SLK: variants seen among roughly 807,000 people sequenced by gnomAD.
SLK encodes the protein STE20 like kinase.
Under a neutral mutation model 147.7 loss-of-function variants are expected in SLK, and 67 were observed. That is an observed-to-expected ratio of 0.45 (90% CI 0.37 to 0.56). The LOEUF is 0.56. Among genes scored for constraint, SLK ranks in the 20% least tolerant of loss-of-function variants. SLK has a pLI of 0.00. For synonymous variants in SLK, 441 were observed against 475.0 expected (o/e 0.93, Z 0.93); for missense variants, 1,136 against 1,438.8 (o/e 0.79, Z 3.41).
chr10:104,023,248 G>GT (rs1300942236), intron 18 of SLK, among the ~76,000 whole-genome samples: 27 of 152,244 alleles, frequency 1.8e-4, no homozygotes, highest in African/African-American at 5.1e-4. Context: ...ACATTTCTCA[G>GT]TTTTGCCCCT....
chr10:104,009,245 C>A lies in SLK; in HGVS notation c.2784+889C>A, dbSNP rs73328275. On this transcript the variant is annotated intron_variant, in intron 12 of 18. Coordinates refer to ENST00000369755, the MANE Select transcript of SLK (RefSeq NM_014720.4). ...AGACACCAGAGACAATGATTGTGAT[C>A]AATTTTATTAGGGTTGGAACAAACA... is the stretch of plus-strand genomic sequence containing the variant. Among the ~76,000 whole-genome samples, 340 of 152,188 alleles carry A rather than the reference C, an allele frequency of 2.2e-3. 1 individual carries two copies. The highest frequency in any genetic ancestry group is 7.5e-3 in the African/African-American group (313 of 41,550).
intron 4 of SLK, among the ~76,000 whole-genome samples, chr10:103,995,001 C>G (rs1844148074): frequency 6.6e-6 from 1 of 152,072 alleles, no homozygotes; most frequent in South Asian, 2.1e-4. Context: ...AATGCCTACA[C>G]CTCTGTCTTT....
chr10:103,998,655 T>G (rs1212488111), intron 4 of SLK, among the ~76,000 whole-genome samples: 1 of 152,178 alleles, frequency 6.6e-6, no homozygotes, highest in Non-Finnish European at 1.5e-5. Flanking sequence ...TTTGGAGGAT[T>G]TGTCATCTGA....
In SLK at chr10:104,008,185, G is replaced by A. The variant is rs543281787; in HGVS notation, c.2613G>A (p.Lys871=). 98 of 1,612,510 alleles carry A rather than the reference G, an allele frequency of 6.1e-5. No individual in the cohort carries two copies. In the South Asian group the frequency reaches 9.7e-4, roughly 16 times the overall value. ...RRFEQEMMSK[K]RQYDQEIENL... ...GCTATATTGTTTTACAGAGTAAAAA[G>A]CGACAATATGACCAGGAAATTGAGA... The change falls in exon 12 of 19, where the codon AAG becomes AAA. Residue 871 remains lysine, a synonymous_variant. Transcript: ENST00000369755.
intron 13 of SLK, 90 bp from the exon 14 acceptor site, chr10:104,018,070 T>C: frequency 9.2e-7 from 1 of 1,089,004 alleles, no homozygotes; most frequent in Non-Finnish European, 1.3e-6. Context: ...TTTGGAAATC[T>C]TGTTAACCAC....
chr10:104,011,377 T>C (rs1003076788), intron 13 of SLK, among the ~76,000 whole-genome samples: 1 of 152,230 alleles, frequency 6.6e-6, no homozygotes, highest in Non-Finnish European at 1.5e-5. Context: ...TTCAAACATG[T>C]ATTGCTTTTA....
intron 1 of SLK, among the ~76,000 whole-genome samples, chr10:103,968,685 G>C (rs1007412682): frequency 6.6e-6 from 1 of 152,170 alleles, no homozygotes; most frequent in Non-Finnish European, 1.5e-5. Context: ...CAGCGTTTAG[G>C]GGAAGGACCC....
intron 1 of SLK, among the ~76,000 whole-genome samples, chr10:103,977,448 G>A (rs977041726): frequency 1.3e-5 from 2 of 152,116 alleles, no homozygotes; most frequent in African/African-American, 2.4e-5. Context: ...CCATGTCTAC[G>A]GAAAGTAGTA....
chr10:104,001,811 T>C (rs1844251870), intron 8 of SLK, among the ~76,000 whole-genome samples: 1 of 152,128 alleles, frequency 6.6e-6, no homozygotes, highest in South Asian at 2.1e-4. Flanking sequence ...TGCCTCCCGG[T>C]GTCAGGTGGT....
At chr10:104,007,152 ATAT>A (rs1270666010) in intron 11 of SLK, among the ~76,000 whole-genome samples, 7 of 152,096 alleles carry the variant, frequency 4.6e-5, no homozygotes, top group Non-Finnish European at 7.4e-5. Flanking sequence ...ATTATTAATA[ATAT>A]TATTTTATTA....
chr10:104,006,064 A>G (rs1844321492), intron 11 of SLK, 29 bp downstream of exon 11: 1 of 1,595,988 alleles, frequency 6.3e-7, no homozygotes, highest in Non-Finnish European at 8.5e-7. Context: ...ACCATTTTAT[A>G]TCATTTTGTG....
chr10:104,021,920 C>T (rs887121263), intron 18 of SLK, among the ~76,000 whole-genome samples, 187 bp downstream of exon 18: 1 of 152,026 alleles, frequency 6.6e-6, no homozygotes, highest in Non-Finnish European at 1.5e-5. Context: ...AGGGTCATTG[C>T]TCTGAAGGAG....
At position 104,018,842 on chromosome 10, in the gene SLK, G is replaced by C; in HGVS notation, c.3066G>C (p.Leu1022=). ...GACACTTACAAGAAAAACACCAGCT[G>C]CTCAAACAGCAGCTTAAAGATCAGT... ...EERHLQEKHQ[L]LKQQLKDQYF... is the part of the protein sequence containing the mutation. Residue 1022 remains leucine, a synonymous_variant, in exon 15 of 19, where the codon CTG becomes CTC. Coordinates refer to ENST00000369755, the MANE Select transcript of SLK (RefSeq NM_014720.4). 6.2e-7 allele frequency: 1 copy of C among 1,613,120 alleles called. No individual in the cohort carries two copies. The highest frequency in any genetic ancestry group is 2.2e-5 in the East Asian group (1 of 44,840).
Position 104,002,757 on chromosome 10 carries a change from A to C in SLK, c.1579A>C (p.Thr527Pro), listed in dbSNP as rs1844268097. 3 of 1,614,034 alleles carry C rather than the reference A, an allele frequency of 1.9e-6. No individual in the cohort carries two copies. The highest frequency in any genetic ancestry group is 2.5e-6 in the Non-Finnish European group (3 of 1,179,994). The change falls in exon 9 of 19, where the codon ACC becomes CCC. Residue 527 changes from threonine to proline, a missense_variant. Physicochemically the swap from Thr to Pro is conservative, Grantham distance 38 (BLOSUM62 -1). This residue lies in a region of SLK where 516 missense variants were observed against 531.3 expected (regional missense o/e 0.97). Coordinates refer to ENST00000369755, the MANE Select transcript of SLK (RefSeq NM_014720.4). ...DSEVGLTKED[T>P]QEKLGEDDKT... ...TGAAGTTGGGCTTACAAAGGAAGAC[A>C]CCCAAGAGAAATTGGGGGAAGACGA...
intron 1 of SLK, 115 bp downstream of exon 1, chr10:103,968,010 G>A (rs1007347532): frequency 1.8e-6 from 2 of 1,092,182 alleles, no homozygotes; most frequent in South Asian, 1.6e-5. Flanking sequence ...TGACTGTTAC[G>A]GTTCGATGCA....
intron 1 of SLK, among the ~76,000 whole-genome samples, chr10:103,975,962 C>G (rs964372267): frequency 6.6e-6 from 1 of 152,076 alleles, no homozygotes; most frequent in Non-Finnish European, 1.5e-5. Context: ...CCTCTGTCAT[C>G]CAGGCCGGAG....
rs1457033041 is a variant in SLK at position 103,971,275 on chromosome 10, TG to T, written c.150+3381del. 6.8e-4 allele frequency among the ~76,000 whole-genome samples: 102 copies of T among 149,896 alleles called. 1 individual carries two copies. The highest frequency in any genetic ancestry group is 2.3e-3 in the South Asian group (11 of 4,692). ...CTTTTTTTGTTGTTGTTGTTTTGTT[TG>T]TGTTTTGTTTTGTTTTGAGATGGAG... On this transcript the variant is annotated intron_variant, in intron 1 of 18. Transcript: ENST00000369755.
At chr10:104,007,183 GCT>G (rs1164798542) in intron 11 of SLK, among the ~76,000 whole-genome samples, 3 of 151,942 alleles carry the variant, frequency 2.0e-5, no homozygotes, top group Non-Finnish European at 4.4e-5. Context: ...CCTCAAATAA[GCT>G]CTTTGATTTA....
chr10:104,020,467 A>G, intron 16 of SLK, 21 bp from the exon 17 acceptor site: 2 of 1,602,192 alleles, frequency 1.2e-6, no homozygotes, highest in Non-Finnish European at 1.7e-6. Context: ...ACTATAGTTT[A>G]TCTTTTTTTC....
Sources: allele counts gnomAD v4.1 joint callset (sites outside exome capture counted in the v4.1 genomes callset), GRCh38; gene constraint gnomAD v4.1.1; regional missense constraint gnomAD v4.1.1; transcripts MANE v1.5; gene names NCBI Gene and HGNC (gene_info 2026-07-23, HGNC 2026-07-21).